SYTL3: variants seen among roughly 807,000 people sequenced by gnomAD.
SYTL3 encodes synaptotagmin-like protein 3.
SYTL3 carries 88 observed loss-of-function variants against 82.1 expected under a neutral mutation model. The ratio of observed to expected loss-of-function variants is 1.07; its 90% CI spans 0.90 to 1.28. SYTL3 has a LOEUF of 1.28. SYTL3 is among the 50% of genes most tolerant of loss of function. The pLI, the probability that SYTL3 is intolerant of heterozygous loss-of-function variation, is 0.00. For synonymous variants in SYTL3, 311 were observed against 289.4 expected (o/e 1.07, Z -0.76); for missense variants, 831 against 757.6 (o/e 1.10, Z -1.14).
intron 12 of SYTL3, 39 bp downstream of exon 12, chr6:158,745,697 A>C: frequency 6.9e-7 from 1 of 1,447,850 alleles, no homozygotes; most frequent in African/African-American, 1.4e-5. Flanking sequence ...AGACATATTG[A>C]TTCCAAAATG....
intron 16 of SYTL3, 139 bp downstream of exon 16, chr6:158,762,317 C>A: frequency 1.5e-6 from 1 of 645,654 alleles, no homozygotes; most frequent in Non-Finnish European, 2.6e-6. Flanking sequence ...TCTAACAACA[C>A]ATATTAAAGA....
At chr6:158,742,195 G>T (rs1324214318) in intron 11 of SYTL3, among the ~76,000 whole-genome samples, 1 of 152,142 alleles carries the variant, frequency 6.6e-6, no homozygotes, top group African/African-American at 2.4e-5. Flanking sequence ...TAAATAAAGC[G>T]AGAAATGCCC....
chr6:158,747,730 T>A (rs1230013495), intron 12 of SYTL3, among the ~76,000 whole-genome samples: 1 of 152,122 alleles, frequency 6.6e-6, no homozygotes. Context: ...CAAGCCATCC[T>A]CACACCTCAG....
At chr6:158,659,844 C>T (rs1789146294) in intron 2 of SYTL3, among the ~76,000 whole-genome samples, 1 of 152,168 alleles carries the variant, frequency 6.6e-6, no homozygotes, top group Non-Finnish European at 1.5e-5. Context: ...AATTATCAGT[C>T]CTTTTTCACT....
At chr6:158,670,663 A>G (rs948926923) in intron 5 of SYTL3, among the ~76,000 whole-genome samples, 1 of 152,132 alleles carries the variant, frequency 6.6e-6, no homozygotes, top group East Asian at 1.9e-4. Flanking sequence ...GGCGCCTGTA[A>G]TCCCAGCTAC....
At chr6:158,683,370 G>A (rs1428999500) in intron 6 of SYTL3, among the ~76,000 whole-genome samples, 1 of 152,082 alleles carries the variant, frequency 6.6e-6, no homozygotes, top group Non-Finnish European at 1.5e-5. Flanking sequence ...ACAGGCACGT[G>A]CCACCACAGT....
At chr6:158,731,306 C>T (rs1039883791) in intron 11 of SYTL3, among the ~76,000 whole-genome samples, 19 of 151,520 alleles carry the variant, frequency 1.3e-4, no homozygotes, top group African/African-American at 4.1e-4. Flanking sequence ...AACAAAAAAA[C>T]TAAAAGTCTT....
upstream of SYTL3, among the ~76,000 whole-genome samples, chr6:158,646,843 T>G (rs1787507115): frequency 6.6e-6 from 1 of 152,200 alleles, no homozygotes; most frequent in East Asian, 1.9e-4. Context: ...CCTGCCCTTC[T>G]CAGTATCACC....
At chr6:158,685,293 A>G (rs1427994686) in intron 6 of SYTL3, among the ~76,000 whole-genome samples, 2 of 150,568 alleles carry the variant, frequency 1.3e-5, no homozygotes, top group Admixed American at 6.6e-5. Context: ...AGCTCACTGT[A>G]AACTCCTCCT....
At chr6:158,736,804 A>G (rs2128498424) in intron 11 of SYTL3, among the ~76,000 whole-genome samples, 1 of 151,892 alleles carries the variant, frequency 6.6e-6, no homozygotes, top group South Asian at 2.1e-4. Flanking sequence ...AAAAAAAAAA[A>G]AAGTAGAAAA....
chr6:158,683,002 T>C lies in SYTL3; in HGVS notation c.394+13T>C. On this transcript the variant is annotated intron_variant, in intron 6 of 17. Transcript: ENST00000611299. Reference sequence around the variant, plus strand: ...TTTCCAACTGGAGGTAAATGCTCTTTACTTTTTTAGTAAAGTAAAATGATC... The same window carrying C: ...TTTCCAACTGGAGGTAAATGCTCTTCACTTTTTTAGTAAAGTAAAATGATC... 6.3e-7 allele frequency: 1 copy of C among 1,578,612 alleles called. No individual in the cohort carries two copies. Among genetic ancestry groups the C allele is most frequent in the Non-Finnish European group, 8.7e-7 (1 of 1,148,242 alleles).
At chr6:158,648,013 G>C (rs1355301111), upstream of SYTL3, among the ~76,000 whole-genome samples, 1 of 152,214 alleles carries the variant, frequency 6.6e-6, no homozygotes, top group African/African-American at 2.4e-5. Context: ...TCCAGCAGTG[G>C]CTGGGCGCAG....
At chr6:158,707,742 A>T (rs530431111) in intron 7 of SYTL3, among the ~76,000 whole-genome samples, 1 of 152,398 alleles carries the variant, frequency 6.6e-6, no homozygotes, top group East Asian at 1.9e-4. Context: ...AAAACTGAGC[A>T]GTCATGAAGC....
chr6:158,672,162 G>A (rs1482475552), intron 5 of SYTL3, among the ~76,000 whole-genome samples: 1 of 152,046 alleles, frequency 6.6e-6, no homozygotes, highest in Non-Finnish European at 1.5e-5. Flanking sequence ...ATGGTCGTGT[G>A]TACCTGTAAT....
At chr6:158,759,533 G>A (rs913518554) in intron 14 of SYTL3, among the ~76,000 whole-genome samples, 29 of 152,216 alleles carry the variant, frequency 1.9e-4, no homozygotes, top group Middle Eastern at 3.4e-3. Flanking sequence ...CTGTTTTTTG[G>A]TTGTTGTTGT....
intron 6 of SYTL3, among the ~76,000 whole-genome samples, chr6:158,693,439 G>A (rs776957637): frequency 6.6e-6 from 1 of 152,168 alleles, no homozygotes; most frequent in Non-Finnish European, 1.5e-5. Context: ...CCAGGCTGGA[G>A]TGCAGTGGTG....
intron 5 of SYTL3, among the ~76,000 whole-genome samples, chr6:158,667,398 G>A (rs1392217332): frequency 6.6e-6 from 1 of 152,214 alleles, no homozygotes; most frequent in Non-Finnish European, 1.5e-5. Context: ...AACAGGAGAA[G>A]TCGGGAGGGG....
chr6:158,756,026 A>T (rs182744283), intron 13 of SYTL3, among the ~76,000 whole-genome samples: 14 of 152,364 alleles, frequency 9.2e-5, no homozygotes, highest in Non-Finnish European at 1.6e-4. Flanking sequence ...AGATCAATGC[A>T]TCTAGAAAGC....
At chr6:158,756,697 C>T (rs1170764620) in intron 13 of SYTL3, among the ~76,000 whole-genome samples, 6 of 131,230 alleles carry the variant, frequency 4.6e-5, no homozygotes, top group African/African-American at 1.5e-4. Flanking sequence ...GGTGACAGAG[C>T]GAGATCCTGT....
Sources: allele counts gnomAD v4.1 joint callset (sites outside exome capture counted in the v4.1 genomes callset), GRCh38; gene constraint gnomAD v4.1.1; transcripts MANE v1.5; gene names NCBI Gene and HGNC (gene_info 2026-07-23, HGNC 2026-07-21).